Variants in WDR35 observed in about 807,000 individuals in gnomAD.
The protein encoded by WDR35 is WD repeat-containing protein 35.
Under a neutral mutation model 158.3 loss-of-function variants are expected in WDR35, and 118 were observed. That is an observed-to-expected ratio of 0.75 (90% CI 0.64 to 0.87). The LOEUF (loss-of-function observed/expected upper bound fraction) is 0.87, where lower values mean the gene tolerates loss of function less well. Ranked by LOEUF, WDR35 falls within the 40% of genes least tolerant of loss-of-function variation. WDR35 has a pLI of 0.00. For synonymous variants in WDR35, 448 were observed against 476.1 expected (o/e 0.94, Z 0.77); for missense variants, 1,263 against 1,405.8 (o/e 0.90, Z 1.62).
intron 11 of WDR35, 82 bp from the exon 12 acceptor site, chr2:19,954,060 G>A: frequency 1.3e-6 from 2 of 1,516,852 alleles, no homozygotes; most frequent in South Asian, 2.2e-5. Context: ...AGTAATCACG[G>A]AGTTCAACCC....
intron 25 of WDR35, among the ~76,000 whole-genome samples, chr2:19,927,438 A>G (rs555858714): frequency 1.1e-3 from 173 of 152,290 alleles, no homozygotes; most frequent in African/African-American, 4.0e-3. Flanking sequence ...TTTAGCTTGA[A>G]TTGCACTTCT....
intron 25 of WDR35, among the ~76,000 whole-genome samples, chr2:19,919,449 T>C (rs2103384529): frequency 6.8e-6 from 1 of 146,018 alleles, no homozygotes; most frequent in African/African-American, 2.5e-5. Flanking sequence ...ACCACATAAC[T>C]ACCTGGAAAC....
At chr2:19,983,134 G>A (rs1452603777) in intron 2 of WDR35, among the ~76,000 whole-genome samples, 1 of 152,222 alleles carries the variant, frequency 6.6e-6, no homozygotes, top group Non-Finnish European at 1.5e-5. Context: ...AGAAAGAGTA[G>A]CAGAAGTGAC....
chr2:19,938,152 G>A (rs1670759661), intron 18 of WDR35, 113 bp downstream of exon 18: 7 of 1,480,408 alleles, frequency 4.7e-6, no homozygotes, highest in Non-Finnish European at 5.6e-6. Context: ...AAAAAGAAGA[G>A]CAAGAATGGA....
chr2:19,960,524 G>C (rs905335804), intron 11 of WDR35, 30 bp downstream of exon 11: 1 of 1,555,882 alleles, frequency 6.4e-7, no homozygotes, highest in Admixed American at 1.7e-5. Flanking sequence ...AACCTGATTG[G>C]AAAAGAAATA....
At chr2:19,936,124 G>C in intron 20 of WDR35, 95 bp downstream of exon 20, 1 of 1,557,484 alleles carries the variant, frequency 6.4e-7, no homozygotes, top group Non-Finnish European at 8.8e-7. Flanking sequence ...TCAAGAAAAT[G>C]ATCTTCATTT....
chr2:19,920,940 CCAAA>C lies in WDR35; in HGVS notation c.3122-6667_3122-6664del, dbSNP rs1308143609. The stretch of plus-strand genomic sequence containing the variant: ...AAGCATTCCTATACACCAAAAACAG[CCAAA>C]CAGAGAGCCAAATCGTGAGTGAACT... On this transcript the variant is annotated intron_variant, in intron 25 of 26. Transcript: ENST00000281405. Among the ~76,000 whole-genome samples the C allele has an allele frequency of 2.0e-5, 3 of 152,030 alleles. No individual in the cohort carries two copies. The East Asian group carries it at 5.8e-4, about 29-fold the overall frequency.
chr2:19,941,324 A>G (rs922502372), intron 17 of WDR35, among the ~76,000 whole-genome samples: 3 of 152,194 alleles, frequency 2.0e-5, no homozygotes, highest in Admixed American at 2.0e-4. Context: ...TCTCTAAAAA[A>G]AAGTTACTCA....
Position 19,980,712 on chromosome 2 carries a change from T to A in WDR35, c.286A>T (p.Ile96Phe), listed in dbSNP as rs1456095660. 1 of 1,613,732 alleles carries A rather than the reference T, an allele frequency of 6.2e-7. No individual in the cohort carries two copies. The highest frequency in any genetic ancestry group is 2.2e-5 in the East Asian group (1 of 44,800). Residue 96 changes from isoleucine (I) to phenylalanine (F), a missense_variant, in exon 4 of 27, where the codon ATT (isoleucine) becomes TTT (phenylalanine). Transcript: ENST00000281405. ...ATACCTTTATATAACATCCACACAA[T>A]GATAAGCCCGTTTTCATCACTGGTA... ...LTTSDENGLI[I>F]VWMLYKGSWI...
chr2:19,943,230 A>G (rs542133036), intron 16 of WDR35, among the ~76,000 whole-genome samples: 16 of 152,272 alleles, frequency 1.1e-4, no homozygotes, highest in Admixed American at 3.3e-4. Context: ...TCTTACTCCT[A>G]GCACAGATTC....
intron 2 of WDR35, among the ~76,000 whole-genome samples, chr2:19,983,471 A>C (rs1672454735): frequency 6.6e-6 from 1 of 152,256 alleles, no homozygotes; most frequent in Admixed American, 6.5e-5. Context: ...AGACGTCTTA[A>C]AAATTTACTA....
intron 25 of WDR35, among the ~76,000 whole-genome samples, chr2:19,919,380 CAAAAAAA>C (rs1302042752): frequency 2.1e-5 from 1 of 48,244 alleles, no homozygotes; most frequent in Non-Finnish European, 4.3e-5. Context: ...GGCTCCATCT[CAAAAAAA>C]AAAAAAAAAA....
chr2:19,964,382 T>TC (rs147197816), intron 10 of WDR35, among the ~76,000 whole-genome samples: 1 of 43,852 alleles, frequency 2.3e-5, no homozygotes, highest in African/African-American at 8.6e-5. Flanking sequence ...TTTTCTTTTC[T>TC]TTTTTTTTTT....
At position 19,929,103 on chromosome 2, in the gene WDR35, G is replaced by A. The variant is rs571540890; in HGVS notation, c.3121+1293C>T. 1.1e-4 allele frequency among the ~76,000 whole-genome samples: 16 copies of A among 152,244 alleles called. No individual in the cohort carries two copies. In the South Asian group the frequency reaches 2.7e-3, roughly 26 times the overall value. On this transcript the variant is annotated intron_variant, in intron 25 of 26. Coordinates refer to ENST00000281405, the MANE Select transcript of WDR35 (RefSeq NM_020779.4). ...ATTACAGGCATGAGCCACTGCACCC[G>A]GCTGAGGAAGATACTATTATCCTTT... is the stretch of plus-strand genomic sequence containing the variant.
chr2:19,974,474 C>A lies in WDR35; in HGVS notation c.730G>T (p.Asp244Tyr). 1 of 1,602,028 alleles carries A rather than the reference C, an allele frequency of 6.2e-7. No homozygotes were observed. Among genetic ancestry groups the A allele is most frequent in the South Asian group, 1.1e-5 (1 of 87,284 alleles). ...AAACAGAAAAATTCCTTACTTTGGT[C>A]ATTCTCATGTCTCATTATTTGGCAT... The part of the protein sequence containing the change: ...GRCQIMRHEN[D>Y]QNPVLIDTGM... The change falls in exon 7 of 27, where the codon GAC becomes TAC. Residue 244 changes from aspartate to tyrosine, a missense_variant. Asp to Tyr is a radical substitution (Grantham distance 160). Coordinates refer to ENST00000281405, the MANE Select transcript of WDR35 (RefSeq NM_020779.4).
intron 8 of WDR35, among the ~76,000 whole-genome samples, chr2:19,970,335 C>G (rs1253534021): frequency 1.3e-5 from 2 of 152,136 alleles, no homozygotes; most frequent in African/African-American, 2.4e-5. Flanking sequence ...CTTTCATCCC[C>G]TCACAACCAA....
At position 19,945,974 on chromosome 2, in the gene WDR35, A is replaced by C. The variant is rs1671035620; in HGVS notation, c.1657T>G (p.Ser553Ala). The change falls in exon 16 of 27, where the codon TCA becomes GCA. Residue 553 changes from serine to alanine, a missense_variant. By Grantham distance (99) the Ser-to-Ala change is moderately conservative (BLOSUM62 1). Coordinates refer to ENST00000281405, the MANE Select transcript of WDR35 (RefSeq NM_020779.4). The part of the protein sequence containing the change: ...NSSRLAIIDI[S>A]GVLTFFDLDA... ...AAGTCAAAGAAAGTCAGAACTCCTG[A>C]GATGTCTATGATAGCAAGACGGCTA... 6.2e-7 allele frequency: 1 copy of C among 1,613,794 alleles called. No individual in the cohort carries two copies. Among genetic ancestry groups the C allele is most frequent in the Admixed American group, 1.7e-5 (1 of 59,986 alleles).
Position 19,937,931 on chromosome 2 carries a change from T to A in WDR35, c.2079A>T (p.Glu693Asp). Residue 693 changes from glutamate (E) to aspartate (D), a missense_variant, in exon 19 of 27, where the codon GAA (glutamate) becomes GAT (aspartate). By Grantham distance (45) the Glu-to-Asp change is conservative (BLOSUM62 2). Transcript: ENST00000281405. ...ATAGATCCAGTTTCTGAAGAGCTGC[T>A]TCAGCCAGTAGGCGCCTTTATTTTA... ...PHPRLWRLLA[E>D]AALQKLDLYT... 1 of 1,614,146 alleles carries A rather than the reference T, an allele frequency of 6.2e-7. No homozygotes were observed. The highest frequency in any genetic ancestry group is 8.5e-7 in the Non-Finnish European group (1 of 1,180,010).
intron 23 of WDR35, among the ~76,000 whole-genome samples, chr2:19,931,655 T>C (rs1208766888): frequency 6.6e-6 from 1 of 152,082 alleles, no homozygotes; most frequent in Admixed American, 6.6e-5. Flanking sequence ...TCTTAGAAAA[T>C]GAGAGGTGCT....
Sources: allele counts gnomAD v4.1 joint callset (sites outside exome capture counted in the v4.1 genomes callset), GRCh38; gene constraint gnomAD v4.1.1; transcripts MANE v1.5; gene names NCBI Gene and HGNC (gene_info 2026-07-23, HGNC 2026-07-21).